Variants in MYLK observed in about 807,000 individuals in gnomAD.
MYLK encodes myosin light chain kinase, also known as myosin light chain kinase, smooth muscle.
Under a neutral mutation model 203.4 loss-of-function variants are expected in MYLK, and 106 were observed. That is an observed-to-expected ratio of 0.52 (90% CI 0.45 to 0.61). The LOEUF is 0.61. Ranked by LOEUF, MYLK falls within the 20% of genes least tolerant of loss-of-function variation. The probability of loss-of-function intolerance (pLI) is 0.00; values close to 1 mark genes in which losing one functional copy is unlikely to be tolerated. For missense variants in MYLK, 2,072 were observed against 2,442.3 expected (o/e 0.85, Z 3.20); for synonymous variants, 867 against 959.5 (o/e 0.90, Z 1.78).
chr3:123,720,440 C>T (rs567923384), intron 13 of MYLK, among the ~76,000 whole-genome samples: 250 of 152,246 alleles, frequency 1.6e-3, no homozygotes, highest in South Asian at 7.3e-3. Flanking sequence ...TGAGCCACGG[C>T]GGCTCTACGT....
At chr3:123,779,379 G>C (rs1198026411) in intron 4 of MYLK, among the ~76,000 whole-genome samples, 1 of 152,216 alleles carries the variant, frequency 6.6e-6, no homozygotes, top group Admixed American at 6.5e-5. Flanking sequence ...ATCCAGATTT[G>C]ATTTGATTTT....
chr3:123,638,895 G>A (rs2058737674), intron 28 of MYLK: 1 of 985,434 alleles, frequency 1.0e-6, no homozygotes, highest in Admixed American at 6.1e-5. Context: ...GTACCTGTGG[G>A]CTATGCCTGG....
At chr3:123,834,951 T>A (rs2066438331) in intron 2 of MYLK, among the ~76,000 whole-genome samples, 2 of 152,166 alleles carry the variant, frequency 1.3e-5, no homozygotes, top group Admixed American at 6.5e-5. Context: ...AAGGGTATTG[T>A]TGGCTGGACA....
At chr3:123,774,887 G>A (rs978190626) in intron 4 of MYLK, among the ~76,000 whole-genome samples, 9 of 152,080 alleles carry the variant, frequency 5.9e-5, no homozygotes, top group East Asian at 1.9e-4. Context: ...TTGTTTATGC[G>A]CTGGATAAAG....
chr3:123,749,211 C>T (rs187887433), intron 5 of MYLK, among the ~76,000 whole-genome samples: 13 of 150,908 alleles, frequency 8.6e-5, no homozygotes, highest in African/African-American at 2.9e-4. Flanking sequence ...CCCAGGAGGT[C>T]GAGGCTGCAG....
At position 123,687,915 on chromosome 3, in the gene MYLK, C is replaced by T. The variant is rs552415377; in HGVS notation, c.3565+4820G>A. The stretch of plus-strand genomic sequence containing the variant: ...TTGAACTCCTGGCTCAAGCAATTCA[C>T]CTGCTTCTCAAAGTGTTGGTATTAC... On this transcript the variant is annotated intron_variant, in intron 19 of 33. Transcript: ENST00000360304. 4.6e-5 allele frequency among the ~76,000 whole-genome samples: 7 copies of T among 152,284 alleles called. No homozygotes were observed. In the South Asian group the frequency reaches 6.2e-4, roughly 14 times the overall value.
intron 21 of MYLK, 70 bp downstream of exon 21, chr3:123,667,067 T>C (rs1244970939): frequency 7.0e-7 from 1 of 1,430,538 alleles, no homozygotes; most frequent in Non-Finnish European, 9.9e-7. Flanking sequence ...GGTGTCAGTC[T>C]AGCAAGGTAA....
intron 20 of MYLK, among the ~76,000 whole-genome samples, chr3:123,679,305 C>CAAAAA (rs58401553): frequency 1.3e-5 from 1 of 76,878 alleles, no homozygotes; most frequent in Non-Finnish European, 2.7e-5. Flanking sequence ...GACTCTGTCT[C>CAAAAA]AAAAAAAAAA....
At chr3:123,831,075 A>G (rs368872089) in intron 3 of MYLK, among the ~76,000 whole-genome samples, 8 of 152,250 alleles carry the variant, frequency 5.3e-5, no homozygotes, top group African/African-American at 1.9e-4. Context: ...AGGTAACACA[A>G]AGTTCCACCT....
intron 30 of MYLK, among the ~76,000 whole-genome samples, chr3:123,627,666 G>C (rs1282178280): frequency 6.6e-6 from 1 of 152,086 alleles, no homozygotes; most frequent in Non-Finnish European, 1.5e-5. Context: ...TTTAGATAAA[G>C]GGATTATAGA....
chr3:123,792,978 C>A (rs750420537), intron 4 of MYLK, among the ~76,000 whole-genome samples: 1 of 152,190 alleles, frequency 6.6e-6, no homozygotes, highest in Admixed American at 6.5e-5. Flanking sequence ...GCCACTTACA[C>A]AAAGGTAAGG....
chr3:123,653,986 TTGTGTGTGTGTGTG>T lies in MYLK; in HGVS notation c.4288+3126_4288+3139del, dbSNP rs752791805. Reference sequence around the variant, plus strand: ...CCACTCTGCTCATTTCAGAGGGATGTTGTGTGTGTGTGTGTGTGTGTGTGTGTGTGTGTGTGTGT... The same window carrying T: ...CCACTCTGCTCATTTCAGAGGGATGTTGTGTGTGTGTGTGTGTGTGTGTGT... On this transcript the variant is annotated intron_variant, in intron 24 of 33. Coordinates refer to ENST00000360304, the MANE Select transcript of MYLK (RefSeq NM_053025.4). Among the ~76,000 whole-genome samples, 728 of 137,754 alleles carry T rather than the reference TTGTGTGTGTGTGTG, an allele frequency of 5.3e-3. 8 individuals are homozygous for T. The highest frequency in any genetic ancestry group is 0.017 in the African/African-American group (649 of 37,198). 90.4% of individuals were successfully genotyped at this position (137,754 alleles called of 152,430 possible).
In MYLK at chr3:123,640,217, CACTCAGTGTGAGAG is replaced by C; in HGVS notation, c.4837+56_4837+69del. The C allele has an allele frequency of 7.0e-7, 1 of 1,434,086 alleles. No homozygotes were observed. The highest frequency in any genetic ancestry group is 1.1e-5 in the South Asian group (1 of 87,274). The allele number at this position is 1,434,086 out of a possible 1,614,324, so 88.8% of individuals were successfully genotyped here. Reference sequence around the variant, plus strand: ...CCCCAATACTGTATGTTTCCTCTCACACTCAGTGTGAGAGGAAACGGCCAGTGCAATACACACTG... The same window carrying C: ...CCCCAATACTGTATGTTTCCTCTCACGAAACGGCCAGTGCAATACACACTG... On this transcript the variant is annotated intron_variant, in intron 28 of 33. Transcript: ENST00000360304. The surrounding 1 kb of genome is among the most constrained non-coding windows in gnomAD (Gnocchi z 4.3).
intron 3 of MYLK, among the ~76,000 whole-genome samples, chr3:123,814,541 T>C (rs1259818016): frequency 6.6e-6 from 1 of 152,246 alleles, no homozygotes; most frequent in Non-Finnish European, 1.5e-5. Context: ...TTTTCTGTAA[T>C]ATTTTTCCAA....
intron 11 of MYLK, among the ~76,000 whole-genome samples, chr3:123,729,976 C>T (rs1475254670): frequency 6.6e-6 from 1 of 151,688 alleles, no homozygotes; most frequent in Non-Finnish European, 1.5e-5. Context: ...CTTATAATCC[C>T]AGTGCTTTGG....
intron 27 of MYLK, 183 bp downstream of exon 27, chr3:123,647,041 T>C (rs2059044076): frequency 1.5e-6 from 1 of 649,266 alleles, no homozygotes; most frequent in South Asian, 1.8e-5. Context: ...GGGCCAGCAC[T>C]GTGCACAGAC....
At chr3:123,681,332 CGATTTGACTCT>C (rs1560063487) in intron 20 of MYLK, 1 of 152,104 alleles carries the variant, frequency 6.6e-6, no homozygotes, top group East Asian at 1.9e-4. Flanking sequence ...TACCACACTG[CGATTTGACTCT>C]AAGAGAAACT....
At chr3:123,848,720 A>C (rs1202507858) in intron 2 of MYLK, among the ~76,000 whole-genome samples, 1 of 152,192 alleles carries the variant, frequency 6.6e-6, no homozygotes, top group Admixed American at 6.5e-5. Context: ...AACTGGAAGT[A>C]AAGCAGCCAT....
intron 4 of MYLK, among the ~76,000 whole-genome samples, chr3:123,774,871 T>C (rs1023389087): frequency 1.3e-5 from 2 of 152,190 alleles, no homozygotes; most frequent in African/African-American, 4.8e-5. Context: ...TGTTCACTAC[T>C]AGTGTTTGTT....
Sources: gnomAD v4.1 joint callset for allele counts (sites outside exome capture counted in the v4.1 genomes callset) on GRCh38, gnomAD v4.1.1 for gene constraint, Gnocchi (gnomAD v3.1) non-coding constraint, MANE v1.5 for transcripts, NCBI Gene and HGNC (gene_info 2026-07-23, HGNC 2026-07-21) for gene names.